ATE1: variants seen among roughly 807,000 people sequenced by gnomAD.
ATE1 encodes the protein arginyl-tRNA--protein transferase 1.
ATE1 carries 36 observed loss-of-function variants against 70.5 expected under a neutral mutation model. The ratio of observed to expected loss-of-function variants is 0.51; its 90% CI spans 0.39 to 0.67. The LOEUF is 0.67. Ranked by LOEUF, ATE1 falls within the 30% of genes least tolerant of loss-of-function variation. The pLI, the probability that ATE1 is intolerant of heterozygous loss-of-function variation, is 0.00. For synonymous variants in ATE1, 232 were observed against 219.3 expected, an observed-to-expected ratio of 1.06 and a Z score of -0.51; for missense variants, 593 against 629.5, an observed-to-expected ratio of 0.94 and a Z score of 0.62.
chr10:121,919,993 A>C (rs1044035788), intron 3 of ATE1, among the ~76,000 whole-genome samples: 4 of 152,308 alleles, frequency 2.6e-5, no homozygotes, highest in Non-Finnish European at 5.9e-5. Context: ...TTTGCAACCC[A>C]AAAACAAGTT....
intron 8 of ATE1, among the ~76,000 whole-genome samples, chr10:121,843,977 TTAAAA>T (rs1263820608): frequency 2.6e-5 from 4 of 152,216 alleles, no homozygotes; most frequent in African/African-American, 9.6e-5. Flanking sequence ...AAAAACATTG[TTAAAA>T]TAAAAACTCA....
intron 8 of ATE1, among the ~76,000 whole-genome samples, chr10:121,865,287 C>T (rs1326448179): frequency 6.6e-6 from 1 of 152,136 alleles, no homozygotes; most frequent in Non-Finnish European, 1.5e-5. Context: ...CCTATTAATA[C>T]AGAAAATTTT....
At chr10:121,892,070 C>G (rs557834532) in intron 7 of ATE1, among the ~76,000 whole-genome samples, 78 of 152,254 alleles carry the variant, frequency 5.1e-4, no homozygotes, top group Non-Finnish European at 1.0e-3. Context: ...TTGAACTCCA[C>G]ACCAAAATTA....
chr10:121,877,611 A>G (rs1223052492), intron 7 of ATE1, among the ~76,000 whole-genome samples: 1 of 152,180 alleles, frequency 6.6e-6, no homozygotes, highest in Non-Finnish European at 1.5e-5. Flanking sequence ...GCAAACTCTT[A>G]AAGACTTAAC....
intron 8 of ATE1, among the ~76,000 whole-genome samples, chr10:121,859,498 G>A (rs944223916): frequency 1.3e-5 from 2 of 151,966 alleles, no homozygotes; most frequent in African/African-American, 4.8e-5. Context: ...CCTCGTGATC[G>A]GCCCGCCTCG....
At chr10:121,773,829 A>G (rs1945621523) in intron 11 of ATE1, among the ~76,000 whole-genome samples, 1 of 152,208 alleles carries the variant, frequency 6.6e-6, no homozygotes, top group Non-Finnish European at 1.5e-5. Flanking sequence ...TATAAAGCAC[A>G]GCTTTTTCCA....
At chr10:121,878,560 T>G (rs1950130888) in intron 7 of ATE1, among the ~76,000 whole-genome samples, 2 of 149,368 alleles carry the variant, frequency 1.3e-5, no homozygotes, top group Non-Finnish European at 3.0e-5. Flanking sequence ...ACGACTGCGC[T>G]CCAGCCTGGG....
intron 10 of ATE1, among the ~76,000 whole-genome samples, chr10:121,835,911 A>G (rs1218886590): frequency 6.6e-6 from 1 of 152,066 alleles, no homozygotes; most frequent in East Asian, 1.9e-4. Flanking sequence ...AACCCCCGTT[A>G]AGTCATATTT....
At chr10:121,908,998 G>C (rs540140780) in intron 5 of ATE1, among the ~76,000 whole-genome samples, 1 of 152,172 alleles carries the variant, frequency 6.6e-6, no homozygotes, top group East Asian at 1.9e-4. Flanking sequence ...GATTGTTGTT[G>C]TTGTTTTGAG....
At chr10:121,859,759 T>C (rs1455434937) in intron 8 of ATE1, among the ~76,000 whole-genome samples, 2 of 151,726 alleles carry the variant, frequency 1.3e-5, no homozygotes, top group Non-Finnish European at 2.9e-5. Flanking sequence ...CTGGCCCACA[T>C]GGTGAAACCC....
chr10:121,889,331 G>A (rs553116383), intron 7 of ATE1, among the ~76,000 whole-genome samples: 3 of 151,222 alleles, frequency 2.0e-5, no homozygotes, highest in South Asian at 2.1e-4. Context: ...AACAAAAACC[G>A]AACTGTGATA....
intron 5 of ATE1, among the ~76,000 whole-genome samples, chr10:121,903,159 G>C (rs1361605487): frequency 1.4e-5 from 2 of 138,770 alleles, no homozygotes; most frequent in Non-Finnish European, 3.2e-5. Flanking sequence ...TAAGTGCTGG[G>C]ATTACAGGAA....
rs1944136955 is a variant in ATE1 at position 121,741,236 on chromosome 10, C to T, written c.*2444G>A. 6.6e-6 allele frequency: 1 copy of T among 152,162 alleles called. No individual in the cohort carries two copies. Among genetic ancestry groups the T allele is most frequent in the South Asian group, 2.1e-4 (1 of 4,826 alleles). 9.4% of individuals were successfully genotyped at this position (152,162 alleles called of 1,614,324 possible). A position where few individuals can be genotyped will look rare whatever the true frequency, so the allele number is the denominator to read the frequency against. On this transcript the variant is annotated 3_prime_UTR_variant, in exon 12 of 12. Transcript: ENST00000224652. ...CTTTTCTTGACTATGCTTTTCTAGT[C>T]CACTATCAGTATTCACTCAGCTGGG...
chr10:121,907,373 G>A (rs977047374), intron 5 of ATE1, among the ~76,000 whole-genome samples: 2 of 152,042 alleles, frequency 1.3e-5, no homozygotes, highest in African/African-American at 4.8e-5. Flanking sequence ...GCTGAGGCAG[G>A]AGAATCACTT....
At chr10:121,759,914 A>C (rs1944969639) in intron 11 of ATE1, among the ~76,000 whole-genome samples, 1 of 152,174 alleles carries the variant, frequency 6.6e-6, no homozygotes, top group Non-Finnish European at 1.5e-5. Flanking sequence ...GGTGACTTTA[A>C]GCTGAAGCCA....
chr10:121,801,793 G>A (rs1425902999), intron 10 of ATE1, among the ~76,000 whole-genome samples: 1 of 152,040 alleles, frequency 6.6e-6, no homozygotes, highest in Non-Finnish European at 1.5e-5. Context: ...TGAGGGGGCT[G>A]ACTCCAAGTT....
chr10:121,793,836 A>G (rs769359397), intron 10 of ATE1, among the ~76,000 whole-genome samples: 4 of 152,178 alleles, frequency 2.6e-5, no homozygotes, highest in Admixed American at 1.3e-4. Context: ...TCAAATCGAT[A>G]ATTTTTAAAA....
intron 7 of ATE1, among the ~76,000 whole-genome samples, chr10:121,896,190 C>T (rs184085695): frequency 3.3e-5 from 5 of 152,256 alleles, no homozygotes; most frequent in African/African-American, 1.2e-4. Context: ...TTGGATAGAT[C>T]CAGATTCAAT....
chr10:121,904,233 T>C (rs1276705468), intron 5 of ATE1, among the ~76,000 whole-genome samples: 2 of 151,848 alleles, frequency 1.3e-5, no homozygotes, highest in Non-Finnish European at 2.9e-5. Context: ...CCACCTGCCT[T>C]GGCCTCCCAA....
Sources: gnomAD v4.1 joint callset for allele counts (sites outside exome capture counted in the v4.1 genomes callset) on GRCh38, gnomAD v4.1.1 for gene constraint, MANE v1.5 for transcripts, NCBI Gene and HGNC (gene_info 2026-07-23, HGNC 2026-07-21) for gene names.